Variants in RABGAP1L observed in about 807,000 individuals in gnomAD.
RABGAP1L encodes the protein rab GTPase-activating protein 1-like.
In RABGAP1L, 63 loss-of-function variants were observed where a neutral mutation model predicts 137.7. The observed-to-expected ratio is 0.46, with a 90% confidence interval of 0.37 to 0.56. The LOEUF is 0.56. Ranked by LOEUF, RABGAP1L falls within the 20% of genes least tolerant of loss-of-function variation. The pLI is 0.00. For synonymous variants in RABGAP1L, 431 were observed against 433.7 expected (o/e 0.99, Z 0.08); for missense variants, 1,095 against 1,244.0 (o/e 0.88, Z 1.80).
chr1:174,811,704 A>C, intron 18 of RABGAP1L, 128 bp from the exon 19 acceptor site: 1 of 915,826 alleles, frequency 1.1e-6, no homozygotes, highest in Non-Finnish European at 1.5e-6. Context: ...TATCTTCTTA[A>C]AATGTTTGGA....
chr1:174,665,299 T>A (rs1165192139), intron 14 of RABGAP1L, among the ~76,000 whole-genome samples: 1 of 152,164 alleles, frequency 6.6e-6, no homozygotes, highest in Non-Finnish European at 1.5e-5. Context: ...AATTATTTAA[T>A]TTTTTAGTGC....
intron 11 of RABGAP1L, among the ~76,000 whole-genome samples, chr1:174,305,355 C>T (rs1456429965): frequency 2.0e-5 from 3 of 152,112 alleles, no homozygotes; most frequent in African/African-American, 7.2e-5. Flanking sequence ...CATCACTTGG[C>T]TGCTGTTGTT....
intron 14 of RABGAP1L, among the ~76,000 whole-genome samples, chr1:174,680,515 A>G (rs1253728255): frequency 1.3e-5 from 2 of 152,204 alleles, no homozygotes; most frequent in Admixed American, 6.5e-5. Flanking sequence ...AGTCTGTGGT[A>G]TTCTGGTTAT....
intron 13 of RABGAP1L, among the ~76,000 whole-genome samples, chr1:174,567,918 G>C (rs1418866309): frequency 6.6e-6 from 1 of 152,154 alleles, no homozygotes; most frequent in Non-Finnish European, 1.5e-5. Context: ...GTGTGACTTG[G>C]AATATAATCT....
intron 13 of RABGAP1L, among the ~76,000 whole-genome samples, chr1:174,560,304 G>C (rs191901935): frequency 4.5e-4 from 68 of 152,258 alleles, no homozygotes; most frequent in Non-Finnish European, 8.1e-4. Flanking sequence ...ATATACCCAA[G>C]TGTAGTATTC....
intron 17 of RABGAP1L, among the ~76,000 whole-genome samples, chr1:174,715,582 A>G (rs1256351601): frequency 6.6e-6 from 1 of 152,194 alleles, no homozygotes; most frequent in Non-Finnish European, 1.5e-5. Context: ...GCAGCCCTTC[A>G]CACCCCTCAT....
At chr1:174,571,883 CAG>C (rs1437184771) in intron 13 of RABGAP1L, among the ~76,000 whole-genome samples, 2 of 152,180 alleles carry the variant, frequency 1.3e-5, no homozygotes, top group Non-Finnish European at 2.9e-5. Flanking sequence ...TAGCTGCAAA[CAG>C]AAATTCTTAT....
At chr1:174,780,531 A>G (rs1686901219) in intron 18 of RABGAP1L, among the ~76,000 whole-genome samples, 1 of 152,110 alleles carries the variant, frequency 6.6e-6, no homozygotes, top group Admixed American at 6.6e-5. Context: ...ATACTGTTGT[A>G]TTATAGTTTA....
chr1:174,744,092 A>T (rs1297188392), intron 17 of RABGAP1L, among the ~76,000 whole-genome samples: 12 of 91,518 alleles, frequency 1.3e-4, no homozygotes, highest in African/African-American at 2.2e-4. Context: ...GAAATACGTA[A>T]AAAAAAAAAA....
intron 19 of RABGAP1L, among the ~76,000 whole-genome samples, chr1:174,871,154 G>A (rs995848574): frequency 2.9e-5 from 4 of 139,550 alleles, no homozygotes; most frequent in African/African-American, 1.3e-4. Flanking sequence ...TGAGTTTTTT[G>A]TTTGTTTGTT....
At chr1:174,648,004 A>G (rs756820267) in intron 14 of RABGAP1L, among the ~76,000 whole-genome samples, 2 of 152,010 alleles carry the variant, frequency 1.3e-5, no homozygotes, top group Non-Finnish European at 1.5e-5. Context: ...AAAGGTGTTT[A>G]TAGTATTCTC....
At position 174,448,710 on chromosome 1, in the gene RABGAP1L, G is replaced by A. The variant is rs200511290; in HGVS notation, c.1710+54565G>A. 1.1e-5 allele frequency: 17 copies of A among 1,614,058 alleles called. No homozygotes were observed. In the East Asian group the frequency reaches 3.3e-4, roughly 32 times the overall value. ...TGGTGTGCCACGTCTTGGCTCACCA[G>A]TGCCTATTTTACTGGCTTTATTGTT... On this transcript the variant is annotated intron_variant, in intron 13 of 25. Transcript: ENST00000681986. This position sits in a 1 kb window ranked among gnomAD's most constrained non-coding sequence, Gnocchi z 4.2.
intron 1 of RABGAP1L, among the ~76,000 whole-genome samples, chr1:174,215,258 C>T (rs776866280): frequency 2.0e-5 from 3 of 151,862 alleles, no homozygotes; most frequent in Non-Finnish European, 4.4e-5. Flanking sequence ...GGAGTTCGAG[C>T]CCAGCCTGGC....
intron 18 of RABGAP1L, among the ~76,000 whole-genome samples, chr1:174,809,034 A>G (rs573139247): frequency 6.6e-6 from 1 of 152,300 alleles, no homozygotes; most frequent in African/African-American, 2.4e-5. Flanking sequence ...AAGTTTGCCA[A>G]AGTTGAAGTT....
At chr1:174,496,990 G>T (rs1368618586) in intron 13 of RABGAP1L, among the ~76,000 whole-genome samples, 1 of 152,186 alleles carries the variant, frequency 6.6e-6, no homozygotes, top group Non-Finnish European at 1.5e-5. Context: ...CTCAGTCATT[G>T]TGTATAAATT....
chr1:174,936,010 GAGTA>G (rs1260679414), intron 19 of RABGAP1L, among the ~76,000 whole-genome samples: 2 of 122,388 alleles, frequency 1.6e-5, no homozygotes, highest in African/African-American at 6.2e-5. Flanking sequence ...AAAAAAAAAA[GAGTA>G]AGTCTTGATA....
intron 1 of RABGAP1L, among the ~76,000 whole-genome samples, chr1:174,186,443 ATAAT>A (rs913393169): frequency 1.1e-4 from 16 of 152,336 alleles, no homozygotes; most frequent in African/African-American, 3.4e-4. Context: ...CTAGTAAGAA[ATAAT>A]TAAAGTCAAT....
At chr1:174,466,080 G>T (rs1657264275) in intron 13 of RABGAP1L, among the ~76,000 whole-genome samples, 1 of 152,182 alleles carries the variant, frequency 6.6e-6, no homozygotes, top group African/African-American at 2.4e-5. Flanking sequence ...CATGTAATCA[G>T]CTGTTCCAAC....
chr1:174,978,945 A>ATTT, intron 23 of RABGAP1L, 55 bp downstream of exon 23: 9 of 1,164,674 alleles, frequency 7.7e-6, no homozygotes, highest in East Asian at 6.8e-5. Flanking sequence ...TATAAAAGTA[A>ATTT]TTTTTTTTTT....
Sources: allele counts gnomAD v4.1 joint callset (sites outside exome capture counted in the v4.1 genomes callset), GRCh38; gene constraint gnomAD v4.1.1; non-coding constraint Gnocchi (gnomAD v3.1); transcripts MANE v1.5; gene names NCBI Gene and HGNC (gene_info 2026-07-23, HGNC 2026-07-21).